Variants in JMJD1C observed in about 807,000 individuals in gnomAD.
JMJD1C encodes the protein jumonji domain-containing protein 1C.
JMJD1C carries 31 observed loss-of-function variants against 245.3 expected under a neutral mutation model. The ratio of observed to expected loss-of-function variants is 0.13; its 90% CI spans 0.09 to 0.17. The LOEUF (loss-of-function observed/expected upper bound fraction) is 0.17. Ranked by LOEUF, JMJD1C falls within the 10% of genes least tolerant of loss-of-function variation. The pLI, the probability that JMJD1C is intolerant of heterozygous loss-of-function variation, is 1.00. For synonymous variants in JMJD1C, 1,057 were observed against 1,017.4 expected (o/e 1.04, Z -0.74); for missense variants, 2,691 against 3,000.2 (o/e 0.90, Z 2.41).
chr10:63,183,586 A>C lies in JMJD1C; in HGVS notation c.6962-17T>G. 1 of 1,452,778 alleles carries C rather than the reference A, an allele frequency of 6.9e-7. No homozygotes were observed. Among genetic ancestry groups the C allele is most frequent in the Non-Finnish European group, 9.3e-7 (1 of 1,071,902 alleles). 90.0% of individuals were successfully genotyped at this position (1,452,778 alleles called of 1,614,324 possible). ...CAACTACACCTGTATATAAAACAAA[A>C]TTTTACTTGACAAAATATTTATATA... On this transcript the variant is annotated splice_polypyrimidine_tract_variant and intron_variant, in intron 21 of 25. Transcript: ENST00000399262.
At chr10:63,400,492 G>A (rs779879402) in intron 1 of JMJD1C, among the ~76,000 whole-genome samples, 10 of 152,072 alleles carry the variant, frequency 6.6e-5, no homozygotes, top group South Asian at 2.1e-4. Context: ...ATTTTTTCCC[G>A]CTTATTTTCT....
At chr10:63,501,258 T>C (rs1589833114) in intron 1 of JMJD1C, among the ~76,000 whole-genome samples, 1 of 152,306 alleles carries the variant, frequency 6.6e-6, no homozygotes, top group South Asian at 2.1e-4. Flanking sequence ...TTTAAAGGCA[T>C]GGAATTTCAC....
chr10:63,441,623 C>T (rs565330073), intron 1 of JMJD1C, among the ~76,000 whole-genome samples: 1 of 152,202 alleles, frequency 6.6e-6, no homozygotes, highest in Non-Finnish European at 1.5e-5. Flanking sequence ...ACTTAACGCC[C>T]TCTTCTCAGT....
At chr10:63,358,302 G>C (rs1589572665) in intron 2 of JMJD1C, among the ~76,000 whole-genome samples, 2 of 152,016 alleles carry the variant, frequency 1.3e-5, no homozygotes, top group East Asian at 3.9e-4. Flanking sequence ...GAAATCCTGA[G>C]AAATCTAAAC....
chr10:63,248,835 T>C (rs1852647231), intron 3 of JMJD1C, among the ~76,000 whole-genome samples: 1 of 152,198 alleles, frequency 6.6e-6, no homozygotes, highest in Non-Finnish European at 1.5e-5. Flanking sequence ...TAAGTGCTCA[T>C]CAATGGACGA....
chr10:63,211,757 G>A (rs1033247207), intron 8 of JMJD1C, among the ~76,000 whole-genome samples: 7 of 143,236 alleles, frequency 4.9e-5, no homozygotes, highest in African/African-American at 1.8e-4. Context: ...ATGTGAGGCA[G>A]AGGTTGCAGT....
At chr10:63,217,458 GT>G in intron 4 of JMJD1C, 127 bp from the exon 5 acceptor site, 1 of 681,244 alleles carries the variant, frequency 1.5e-6, no homozygotes, top group South Asian at 2.8e-5. Flanking sequence ...TCAAAAAAAT[GT>G]TTTAGAAGTA....
intron 1 of JMJD1C, among the ~76,000 whole-genome samples, chr10:63,480,375 G>A (rs1379049137): frequency 6.6e-6 from 1 of 150,532 alleles, no homozygotes; most frequent in Non-Finnish European, 1.5e-5. Context: ...CTTGAGTGCA[G>A]TGGTACAATC....
intron 2 of JMJD1C, among the ~76,000 whole-genome samples, chr10:63,378,891 G>C (rs1176036120): frequency 2.0e-5 from 3 of 151,882 alleles, no homozygotes; most frequent in Non-Finnish European, 4.4e-5. Flanking sequence ...ACCTACTATG[G>C]ATAAAATTAT....
chr10:63,442,628 T>C (rs1291410396), intron 1 of JMJD1C, among the ~76,000 whole-genome samples: 1 of 152,220 alleles, frequency 6.6e-6, no homozygotes, highest in Non-Finnish European at 1.5e-5. Flanking sequence ...TCTGTTTCCA[T>C]GCCATACATT....
intron 1 of JMJD1C, among the ~76,000 whole-genome samples, chr10:63,500,247 C>T (rs1428439774): frequency 6.6e-6 from 1 of 151,956 alleles, no homozygotes; most frequent in Non-Finnish European, 1.5e-5. Context: ...CATGGTGATA[C>T]CCCATCTCTA....
At chr10:63,357,449 G>A (rs888220468) in intron 2 of JMJD1C, among the ~76,000 whole-genome samples, 4 of 151,964 alleles carry the variant, frequency 2.6e-5, no homozygotes, top group African/African-American at 9.7e-5. Context: ...GGGATTACAG[G>A]TGTGCGCCAC....
At position 63,357,826 on chromosome 10, in the gene JMJD1C, GACACACACACACAC is replaced by G. The variant is rs35073293; in HGVS notation, c.333+22478_333+22491del. Among the ~76,000 whole-genome samples, 8 of 140,432 alleles carry G rather than the reference GACACACACACACAC, an allele frequency of 5.7e-5. 1 individual carries two copies. Among genetic ancestry groups the G allele is most frequent in the East Asian group, 4.3e-4 (2 of 4,684 alleles). 92.1% of individuals were successfully genotyped at this position (140,432 alleles called of 152,430 possible). A position where few individuals can be genotyped will look rare whatever the true frequency, so the allele number is the denominator to read the frequency against. Reference sequence around the variant, plus strand: ...AAATGTCAAAAGACACAGACAGACAGACACACACACACACACACACACACACACACACACACACA... The same window carrying G: ...AAATGTCAAAAGACACAGACAGACAGACACACACACACACACACACACACA... On this transcript the variant is annotated intron_variant, in intron 2 of 25. Coordinates refer to ENST00000399262, the MANE Select transcript of JMJD1C (RefSeq NM_032776.3).
intron 2 of JMJD1C, among the ~76,000 whole-genome samples, chr10:63,330,271 T>C (rs1358097533): frequency 2.0e-5 from 3 of 152,192 alleles, no homozygotes; most frequent in Non-Finnish European, 4.4e-5. Flanking sequence ...AAATGCATTT[T>C]CAATTTAGAA....
intron 2 of JMJD1C, among the ~76,000 whole-genome samples, chr10:63,327,102 G>C (rs1342401826): frequency 6.6e-6 from 1 of 152,066 alleles, no homozygotes; most frequent in Admixed American, 6.6e-5. Context: ...TAGGAGAATC[G>C]CTTGAGCCCA....
At chr10:63,375,591 C>T (rs1208858692) in intron 2 of JMJD1C, among the ~76,000 whole-genome samples, 6 of 151,874 alleles carry the variant, frequency 4.0e-5, no homozygotes, top group Non-Finnish European at 7.4e-5. Context: ...CACTCTGTCA[C>T]CCAGGCTTGA....
chr10:63,431,938 G>A (rs1168594536), intron 1 of JMJD1C, among the ~76,000 whole-genome samples: 1 of 152,192 alleles, frequency 6.6e-6, no homozygotes, highest in Non-Finnish European at 1.5e-5. Flanking sequence ...CTTGAACCCA[G>A]GGGACAGGGG....
At chr10:63,216,449 G>A (rs1847987636) in intron 5 of JMJD1C, among the ~76,000 whole-genome samples, 2 of 152,082 alleles carry the variant, frequency 1.3e-5, no homozygotes, top group African/African-American at 2.4e-5. Context: ...GGTGGCTCAC[G>A]TCTGTAATCC....
At chr10:63,343,869 C>G (rs1374352454) in intron 2 of JMJD1C, among the ~76,000 whole-genome samples, 1 of 152,016 alleles carries the variant, frequency 6.6e-6, no homozygotes, top group Non-Finnish European at 1.5e-5. Flanking sequence ...AAAACCCTAT[C>G]TCTACAAAAA....
Sources: gnomAD v4.1 joint callset for allele counts (sites outside exome capture counted in the v4.1 genomes callset) on GRCh38, gnomAD v4.1.1 for gene constraint, MANE v1.5 for transcripts, NCBI Gene and HGNC (gene_info 2026-07-23, HGNC 2026-07-21) for gene names.